STX6: variants seen among roughly 807,000 people sequenced by gnomAD.
The protein encoded by STX6 is syntaxin-6.
A neutral mutation model predicts 38.0 loss-of-function variants in STX6; 23 were observed. That is an observed-to-expected ratio of 0.60 (90% confidence interval 0.43 to 0.86). The LOEUF (loss-of-function observed/expected upper bound fraction) is 0.86. Ranked by LOEUF, STX6 falls within the 40% of genes least tolerant of loss-of-function variation. STX6 has a pLI of 0.00. For synonymous variants in STX6, 123 were observed against 107.5 expected, an observed-to-expected ratio of 1.14 and a Z score of -0.89; for missense variants, 274 against 312.9, an observed-to-expected ratio of 0.88 and a Z score of 0.94.
At chr1:181,016,852 C>A (rs760524269) in intron 1 of STX6, among the ~76,000 whole-genome samples, 7 of 151,848 alleles carry the variant, frequency 4.6e-5, no homozygotes, top group South Asian at 4.2e-4. Context: ...TTTGGGAGGC[C>A]GAGGCGGGCA....
chr1:181,005,611 T>C (rs916338244), intron 1 of STX6, 148 bp from the exon 2 acceptor site: 3 of 691,472 alleles, frequency 4.3e-6, no homozygotes, highest in African/African-American at 3.6e-5. Context: ...AATATCAAAG[T>C]TCAAAACTTT....
intron 3 of STX6, among the ~76,000 whole-genome samples, chr1:180,996,572 C>T (rs1322886453): frequency 6.6e-6 from 1 of 151,548 alleles, no homozygotes; most frequent in Non-Finnish European, 1.5e-5. Context: ...ACTTTGAAAA[C>T]AATTTTTTTT....
At chr1:180,997,122 G>A (rs1455556222) in intron 3 of STX6, among the ~76,000 whole-genome samples, 1 of 152,162 alleles carries the variant, frequency 6.6e-6, no homozygotes, top group Non-Finnish European at 1.5e-5. Context: ...GCTGCACTAA[G>A]TTTCTATTTC....
intron 3 of STX6, among the ~76,000 whole-genome samples, chr1:181,001,876 C>T (rs1015578372): frequency 1.3e-5 from 2 of 152,212 alleles, no homozygotes; most frequent in African/African-American, 2.4e-5. Flanking sequence ...CTCATTTTTG[C>T]TCTCGGAAAT....
Position 181,002,660 on chromosome 1 carries a change from T to C in STX6, c.246A>G (p.Ala82=). The C allele has an allele frequency of 6.2e-7, 1 of 1,613,786 alleles. No individual in the cohort carries two copies. The highest frequency in any genetic ancestry group is 8.5e-7 in the Non-Finnish European group (1 of 1,179,754). The part of the protein sequence containing the change: ...EANPRKFNLD[A]TELSIRKAFI... The stretch of plus-strand genomic sequence containing the variant: ...AGGCTTTTCTTATACTCAATTCAGT[T>C]GCATCAAGGTTAAATTTTCTAGGAT... The change falls in exon 3 of 8, where the codon GCA becomes GCG. Residue 82 remains alanine (A), a synonymous_variant. Coordinates refer to ENST00000258301, the MANE Select transcript of STX6 (RefSeq NM_005819.6).
At chr1:181,021,178 A>G (rs1238060974) in intron 1 of STX6, among the ~76,000 whole-genome samples, 1 of 152,192 alleles carries the variant, frequency 6.6e-6, no homozygotes, top group Admixed American at 6.5e-5. Flanking sequence ...AAGTCAAACA[A>G]AAAATTTCTG....
chr1:181,020,007 C>CA (rs532486668), intron 1 of STX6, among the ~76,000 whole-genome samples: 278 of 151,932 alleles, frequency 1.8e-3, no homozygotes, highest in African/African-American at 6.5e-3. Context: ...CTAAAAAATA[C>CA]AAAAAATTAG....
At chr1:180,999,395 T>G (rs1656013288) in intron 3 of STX6, among the ~76,000 whole-genome samples, 1 of 152,136 alleles carries the variant, frequency 6.6e-6, no homozygotes, top group African/African-American at 2.4e-5. Flanking sequence ...AACACAAAAA[T>G]TTCACATGTG....
intron 2 of STX6, among the ~76,000 whole-genome samples, chr1:181,004,122 T>C (rs1317758224): frequency 2.6e-5 from 4 of 152,188 alleles, no homozygotes; most frequent in Non-Finnish European, 5.9e-5. Context: ...TCCTATGAGC[T>C]AGGTACTCTT....
intron 1 of STX6, among the ~76,000 whole-genome samples, chr1:181,021,733 T>G (rs1025414942): frequency 6.6e-6 from 1 of 152,204 alleles, no homozygotes; most frequent in Non-Finnish European, 1.5e-5. Flanking sequence ...TATTACAAAG[T>G]GCAGTTGAAG....
intron 6 of STX6, among the ~76,000 whole-genome samples, chr1:180,986,498 G>T (rs1655589324): frequency 6.6e-6 from 1 of 152,148 alleles, no homozygotes; most frequent in African/African-American, 2.4e-5. Context: ...TATTATACTG[G>T]ATGGCACAGG....
intron 1 of STX6, among the ~76,000 whole-genome samples, chr1:181,007,415 T>C (rs1489293882): frequency 6.6e-6 from 1 of 152,214 alleles, no homozygotes; most frequent in Admixed American, 6.5e-5. Context: ...TCCACAGATT[T>C]GGAACCCACA....
chr1:181,015,729 G>A lies in STX6; in HGVS notation c.35+6910C>T, dbSNP rs150903649. Among the ~76,000 whole-genome samples the A allele has an allele frequency of 1.1e-4, 16 of 151,086 alleles. No homozygotes were observed. The East Asian group carries it at 2.7e-3, about 26-fold the overall frequency. On this transcript the variant is annotated intron_variant, in intron 1 of 7. Transcript: ENST00000258301. ...GTCACCAGGGCTGGAGTGCAGTGGC[G>A]TGATCTCAGCTCACTGCAAAAGAGG...
chr1:180,990,185 T>C lies in STX6; in HGVS notation c.364-76A>G, dbSNP rs1014907227. ...CTCTGAACAAGTGATGCATCAAGAGTGATATAAAGAGTTTTCACATTTCTT... is the reference window on the plus strand; with the variant it reads ...CTCTGAACAAGTGATGCATCAAGAGCGATATAAAGAGTTTTCACATTTCTT... On this transcript the variant is annotated intron_variant, in intron 4 of 7. Coordinates refer to ENST00000258301, the MANE Select transcript of STX6 (RefSeq NM_005819.6). 5 of 1,563,562 alleles carry C rather than the reference T, an allele frequency of 3.2e-6. No individual in the cohort carries two copies. In the African/African-American group the frequency reaches 6.8e-5, roughly 21 times the overall value.
rs57204299 is a variant in STX6 at position 180,984,088 on chromosome 1, A to AAAAAAAAAAAAAAC, written c.691+588_691+589insGTTTTTTTTTTTTT. Among the ~76,000 whole-genome samples, 4 of 101,464 alleles carry AAAAAAAAAAAAAAC rather than the reference A, an allele frequency of 3.9e-5. 1 individual carries two copies. Among genetic ancestry groups the AAAAAAAAAAAAAAC allele is most frequent in the Admixed American group, 1.1e-4 (1 of 8,914 alleles). The allele number at this position is 101,464 out of a possible 152,430, so 66.6% of individuals were successfully genotyped here. A position where few individuals can be genotyped will look rare whatever the true frequency, so the allele number is the denominator to read the frequency against. The stretch of plus-strand genomic sequence containing the variant: ...CAAAAAAAAAAAAAAAAAAAAAAAA[A>AAAAAAAAAAAAAAC]AACACAACGAAAGTGACTCTACTGG... On this transcript the variant is annotated intron_variant, in intron 7 of 7. Transcript: ENST00000258301.
intron 6 of STX6, among the ~76,000 whole-genome samples, chr1:180,986,904 C>T (rs752716326): frequency 9.2e-5 from 14 of 152,144 alleles, no homozygotes; most frequent in Admixed American, 9.2e-4. Context: ...TCAAACTGAA[C>T]TTTAGGGTCA....
chr1:181,012,002 T>C (rs1411090443), intron 1 of STX6, among the ~76,000 whole-genome samples: 3 of 152,242 alleles, frequency 2.0e-5, no homozygotes, highest in Non-Finnish European at 4.4e-5. Flanking sequence ...CTGATTTAGC[T>C]ATTTTTTTCC....
chr1:180,980,018 C>G (rs1655357760), intron 7 of STX6, among the ~76,000 whole-genome samples: 1 of 152,064 alleles, frequency 6.6e-6, no homozygotes, highest in Admixed American at 6.6e-5. Flanking sequence ...ACCAGCCTGG[C>G]CAACATGGTG....
intron 3 of STX6, among the ~76,000 whole-genome samples, chr1:180,998,072 G>A (rs902096067): frequency 6.6e-6 from 1 of 152,170 alleles, no homozygotes; most frequent in Non-Finnish European, 1.5e-5. Context: ...TGCATTGGGA[G>A]GAAAATTATG....
Sources: gnomAD v4.1 joint callset for allele counts (sites outside exome capture counted in the v4.1 genomes callset) on GRCh38, gnomAD v4.1.1 for gene constraint, MANE v1.5 for transcripts, NCBI Gene and HGNC (gene_info 2026-07-23, HGNC 2026-07-21) for gene names.